EYA4: variants seen among roughly 807,000 people sequenced by gnomAD.
EYA4 encodes EYA transcriptional coactivator and phosphatase 4.
In EYA4, 31 loss-of-function variants were observed where a neutral mutation model predicts 87.9. The ratio of observed to expected loss-of-function variants is 0.35; its 90% CI spans 0.27 to 0.48. EYA4 has a LOEUF of 0.48. Among genes scored for constraint, EYA4 ranks in the 20% least tolerant of loss-of-function variants. EYA4 has a pLI of 0.99. For synonymous variants in EYA4, 263 were observed against 270.6 expected (o/e 0.97, Z 0.28); for missense variants, 678 against 761.4 (o/e 0.89, Z 1.29).
chr6:133,514,016 C>T (rs1350464309), intron 16 of EYA4, among the ~76,000 whole-genome samples: 1 of 152,044 alleles, frequency 6.6e-6, no homozygotes, highest in Non-Finnish European at 1.5e-5. Context: ...TGTCTGGTCA[C>T]CTTGTATCCC....
chr6:133,393,541 A>G (rs752696746), intron 3 of EYA4, among the ~76,000 whole-genome samples: 1 of 152,036 alleles, frequency 6.6e-6, no homozygotes, highest in Non-Finnish European at 1.5e-5. Context: ...GTGGAAGTAC[A>G]CTCCCTTCAG....
chr6:133,439,053 A>C (rs1197846045), intron 3 of EYA4, among the ~76,000 whole-genome samples: 1 of 104,548 alleles, frequency 9.6e-6, no homozygotes, highest in African/African-American at 5.0e-5. Context: ...CCGTCTCAAA[A>C]AAAAAAAAAA....
intron 3 of EYA4, among the ~76,000 whole-genome samples, chr6:133,394,788 G>A (rs1271634084): frequency 6.6e-6 from 1 of 152,156 alleles, no homozygotes; most frequent in Non-Finnish European, 1.5e-5. Context: ...ACAGTCTAAT[G>A]ACAAAAAGAC....
chr6:133,362,279 G>A (rs1043606776), intron 2 of EYA4, among the ~76,000 whole-genome samples: 1 of 152,128 alleles, frequency 6.6e-6, no homozygotes, highest in African/African-American at 2.4e-5. Flanking sequence ...GTTACCTTGG[G>A]GGAGATTTCC....
At chr6:133,316,797 C>T (rs963200518) in intron 2 of EYA4, among the ~76,000 whole-genome samples, 2 of 152,130 alleles carry the variant, frequency 1.3e-5, no homozygotes, top group South Asian at 2.1e-4. Context: ...GTTGAAGGTA[C>T]GTGTGAGCTG....
chr6:133,424,379 C>T (rs1363818138), intron 3 of EYA4, among the ~76,000 whole-genome samples: 3 of 152,170 alleles, frequency 2.0e-5, no homozygotes, highest in Admixed American at 6.5e-5. Context: ...TTACTGAGGA[C>T]CCTCCTCCTT....
intron 13 of EYA4, among the ~76,000 whole-genome samples, chr6:133,493,600 C>A (rs182230064): frequency 6.6e-6 from 1 of 152,070 alleles, no homozygotes; most frequent in Non-Finnish European, 1.5e-5. Flanking sequence ...AAATGGGAGG[C>A]ATCAAGTTAA....
At chr6:133,383,464 G>C (rs1023482458) in intron 3 of EYA4, among the ~76,000 whole-genome samples, 1 of 131,372 alleles carries the variant, frequency 7.6e-6, no homozygotes, top group East Asian at 2.5e-4. Flanking sequence ...GTTGCAGTGA[G>C]CCGAGATTGT....
intron 3 of EYA4, among the ~76,000 whole-genome samples, chr6:133,394,290 T>TTTTG (rs1787585465): frequency 3.2e-5 from 1 of 31,502 alleles, no homozygotes; most frequent in African/African-American, 5.8e-5. Flanking sequence ...TTGTGTTTTT[T>TTTTG]TTTTTTTTTT....
At chr6:133,410,172 TTGA>T (rs1789085282) in intron 3 of EYA4, among the ~76,000 whole-genome samples, 2 of 152,148 alleles carry the variant, frequency 1.3e-5, no homozygotes, top group African/African-American at 4.8e-5. Context: ...TTAGTATCTA[TTGA>T]TGAATAGATT....
intron 2 of EYA4, among the ~76,000 whole-genome samples, chr6:133,299,689 G>A (rs1159660886): frequency 6.7e-6 from 1 of 150,328 alleles, no homozygotes; most frequent in Non-Finnish European, 1.5e-5. Flanking sequence ...TCCAGCCTGG[G>A]CAACAGAGTG....
chr6:133,258,439 G>A (rs1400349392), intron 1 of EYA4, among the ~76,000 whole-genome samples: 3 of 152,040 alleles, frequency 2.0e-5, no homozygotes, highest in Non-Finnish European at 4.4e-5. Flanking sequence ...CACCAAATTC[G>A]TTTCTTTCCA....
At chr6:133,270,055 G>T (rs576616217) in intron 1 of EYA4, among the ~76,000 whole-genome samples, 4 of 152,214 alleles carry the variant, frequency 2.6e-5, no homozygotes, top group African/African-American at 7.2e-5. Flanking sequence ...CACTGGCAGC[G>T]GATTAGATTG....
At chr6:133,344,185 G>T (rs1175864446) in intron 2 of EYA4, among the ~76,000 whole-genome samples, 2 of 152,156 alleles carry the variant, frequency 1.3e-5, no homozygotes, top group African/African-American at 2.4e-5. Context: ...ATGCCAAGTC[G>T]CATTGGACTG....
At chr6:133,331,581 C>T (rs1478678394) in intron 2 of EYA4, among the ~76,000 whole-genome samples, 18 of 152,150 alleles carry the variant, frequency 1.2e-4, no homozygotes, top group Admixed American at 1.2e-3. Context: ...AAATGAAAGG[C>T]TTTGTCTGTT....
At chr6:133,248,871 G>T (rs1582738281) in intron 1 of EYA4, 2 of 147,722 alleles carry the variant, frequency 1.4e-5, no homozygotes, top group Non-Finnish European at 1.5e-5. Flanking sequence ...GTTTTATTTT[G>T]TTTTTTTTTT....
intron 2 of EYA4, among the ~76,000 whole-genome samples, chr6:133,330,604 G>C (rs977275087): frequency 1.3e-5 from 2 of 149,390 alleles, no homozygotes; most frequent in African/African-American, 4.9e-5. Context: ...TACTTTTTTG[G>C]GGGGGATAAG....
At chr6:133,262,562 A>G (rs1246567281) in intron 1 of EYA4, among the ~76,000 whole-genome samples, 1 of 152,210 alleles carries the variant, frequency 6.6e-6, no homozygotes, top group Admixed American at 6.5e-5. Context: ...CCAATTAGCA[A>G]ACACAGACAA....
chr6:133,384,661 A>G (rs750371645), intron 3 of EYA4, among the ~76,000 whole-genome samples: 20 of 152,290 alleles, frequency 1.3e-4, no homozygotes, highest in Non-Finnish European at 2.8e-4. Flanking sequence ...ACAATGGTCA[A>G]TCTCCACACT....
Sources: allele counts gnomAD v4.1 joint callset (sites outside exome capture counted in the v4.1 genomes callset), GRCh38; gene constraint gnomAD v4.1.1; transcripts MANE v1.5; gene names NCBI Gene and HGNC (gene_info 2026-07-23, HGNC 2026-07-21).